Variants in MTDH observed in about 807,000 individuals in gnomAD.
The protein encoded by MTDH is metadherin.
Under a neutral mutation model 72.7 loss-of-function variants are expected in MTDH, and 34 were observed. The ratio of observed to expected loss-of-function variants is 0.47; its 90% confidence interval spans 0.36 to 0.62. MTDH has a LOEUF of 0.62. MTDH is among the 20% of genes least tolerant of loss of function. MTDH has a pLI of 0.00. For synonymous variants in MTDH, 266 were observed against 268.9 expected (o/e 0.99, Z 0.10); for missense variants, 677 against 699.4 (o/e 0.97, Z 0.36).
Position 97,726,568 on chromosome 8 carries a change from T to C in MTDH, c.*1898T>C, listed in dbSNP as rs1367280214. The C allele has an allele frequency of 6.6e-6, 1 of 152,228 alleles. No individual in the cohort carries two copies. Among genetic ancestry groups the C allele is most frequent in the Non-Finnish European group, 1.5e-5 (1 of 68,050 alleles). The allele number at this position is 152,228 out of a possible 1,614,324, so 9.4% of individuals were successfully genotyped here. ...CCTCACCATTTCTTTATCTCAAAAT[T>C]CTGTTGGCTTTGTCAAACGTTGGAT... On this transcript the variant is annotated 3_prime_UTR_variant, in exon 12 of 12. Coordinates refer to ENST00000336273, the MANE Select transcript of MTDH (RefSeq NM_178812.4).
In MTDH at chr8:97,657,390, A is replaced by C. The variant is rs539705501; in HGVS notation, c.382-3682A>C. 5.3e-5 allele frequency among the ~76,000 whole-genome samples: 8 copies of C among 152,346 alleles called. No individual in the cohort carries two copies. The South Asian group carries it at 1.4e-3, about 28-fold the overall frequency. On this transcript the variant is annotated intron_variant, in intron 1 of 11. Transcript: ENST00000336273. ...GGTGGGGAAGACCTTAAAGTTCTTG[A>C]GAGAATTTTAAACTGGGGTACAATG...
chr8:97,698,689 A>G (rs1317427226), intron 6 of MTDH, among the ~76,000 whole-genome samples: 1 of 152,234 alleles, frequency 6.6e-6, no homozygotes, highest in Non-Finnish European at 1.5e-5. Flanking sequence ...TTTCTTAGCC[A>G]AAAGATGCTA....
chr8:97,661,934 A>AG (rs1554574614), intron 2 of MTDH, among the ~76,000 whole-genome samples: 1 of 151,236 alleles, frequency 6.6e-6, no homozygotes, highest in Non-Finnish European at 1.5e-5. Context: ...AAAAAAAAAA[A>AG]GAAAAAAGAT....
intron 2 of MTDH, among the ~76,000 whole-genome samples, chr8:97,664,843 C>T (rs956056880): frequency 3.9e-5 from 6 of 152,004 alleles, no homozygotes; most frequent in Admixed American, 1.3e-4. Context: ...CTCACTGCAA[C>T]CTCCGCCTCC....
chr8:97,659,784 A>G (rs776687316), intron 1 of MTDH, among the ~76,000 whole-genome samples: 14 of 152,234 alleles, frequency 9.2e-5, no homozygotes, highest in Non-Finnish European at 1.3e-4. Context: ...GGATCCAGAA[A>G]GACGGTTAGA....
intron 2 of MTDH, among the ~76,000 whole-genome samples, chr8:97,682,245 T>C (rs868186514): frequency 8.2e-5 from 1 of 12,138 alleles, no homozygotes; most frequent in African/African-American, 4.4e-4. Context: ...TATATATATA[T>C]ATATATATAT....
chr8:97,648,640 T>C lies in MTDH; in HGVS notation c.381+3753T>C, dbSNP rs79681070. Reference sequence around the variant, plus strand: ...TCCCAAAATGTTGGGATTACAGGCATGAGCAACCTCACCCAGCTCAAAAAT... The same window carrying C: ...TCCCAAAATGTTGGGATTACAGGCACGAGCAACCTCACCCAGCTCAAAAAT... On this transcript the variant is annotated intron_variant, in intron 1 of 11. Coordinates refer to ENST00000336273, the MANE Select transcript of MTDH (RefSeq NM_178812.4). Among the ~76,000 whole-genome samples the C allele has an allele frequency of 1.5e-3, 221 of 152,298 alleles. 3 individuals are homozygous for C. The East Asian group carries it at 0.031, about 21-fold the overall frequency.
intron 2 of MTDH, among the ~76,000 whole-genome samples, chr8:97,663,748 CA>C (rs36101443): frequency 0.045 from 3,821 of 85,850 alleles, 71 homozygotes; most frequent in African/African-American, 0.13. Flanking sequence ...GACTCTGTCT[CA>C]AAAAAAAAAA....
At chr8:97,670,675 A>G (rs1015745022) in intron 2 of MTDH, among the ~76,000 whole-genome samples, 1 of 152,210 alleles carries the variant, frequency 6.6e-6, no homozygotes, top group Non-Finnish European at 1.5e-5. Flanking sequence ...ATTTATAAAG[A>G]AAAGAGGGTT....
intron 2 of MTDH, among the ~76,000 whole-genome samples, chr8:97,666,606 C>T (rs1812398307): frequency 6.6e-6 from 1 of 152,196 alleles, no homozygotes; most frequent in African/African-American, 2.4e-5. Context: ...TATGTTGATG[C>T]TTGCACTGAT....
intron 7 of MTDH, among the ~76,000 whole-genome samples, chr8:97,705,578 C>T (rs925667838): frequency 6.6e-6 from 1 of 152,134 alleles, no homozygotes; most frequent in South Asian, 2.1e-4. Flanking sequence ...CCAGCTTGGG[C>T]GACAGAGCAA....
At position 97,705,745 on chromosome 8, in the gene MTDH, A is replaced by G. The variant is rs551969729; in HGVS notation, c.1148-881A>G. Among the ~76,000 whole-genome samples, 5 of 152,388 alleles carry G rather than the reference A, an allele frequency of 3.3e-5. No homozygotes were observed. In the East Asian group the frequency reaches 9.6e-4, roughly 29 times the overall value. ...AGCCTAACCTTTGTCATCTTAAACC[A>G]TTGTAAATGAAACCTGACTATAAGT... On this transcript the variant is annotated intron_variant, in intron 7 of 11. Transcript: ENST00000336273.
At position 97,724,868 on chromosome 8, in the gene MTDH, C is replaced by T; in HGVS notation, c.*198C>T. On this transcript the variant is annotated 3_prime_UTR_variant, in exon 12 of 12. Transcript: ENST00000336273. ...AATTAAGAGGTCAGCAGAATATACT[C>T]AGTGATGGAAGACACTTGGGAAAGT... 2.3e-6 allele frequency: 1 copy of T among 427,924 alleles called. No homozygotes were observed. Among genetic ancestry groups the T allele is most frequent in the South Asian group, 3.9e-5 (1 of 25,790 alleles). The allele number at this position is 427,924 out of a possible 1,614,324, so 26.5% of individuals were successfully genotyped here.
In MTDH at chr8:97,662,430, C is replaced by G. The variant is rs531789067; in HGVS notation, c.483+1257C>G. Among the ~76,000 whole-genome samples the G allele has an allele frequency of 2.6e-5, 4 of 151,818 alleles. No individual in the cohort carries two copies. In the East Asian group the frequency reaches 7.7e-4, roughly 29 times the overall value. On this transcript the variant is annotated intron_variant, in intron 2 of 11. Coordinates refer to ENST00000336273, the MANE Select transcript of MTDH (RefSeq NM_178812.4). ...AAAACAAAACAAGACAGTCACTGATCGGTAAGTGGTTTCTGGGAACCACAG... is the reference window on the plus strand; with the variant it reads ...AAAACAAAACAAGACAGTCACTGATGGGTAAGTGGTTTCTGGGAACCACAG...
At chr8:97,705,928 G>C (rs954786588) in intron 7 of MTDH, among the ~76,000 whole-genome samples, 8 of 152,126 alleles carry the variant, frequency 5.3e-5, no homozygotes, top group African/African-American at 1.9e-4. Flanking sequence ...AAAATTCAGT[G>C]CATCCTATAG....
At chr8:97,671,030 A>G (rs967784940) in intron 2 of MTDH, among the ~76,000 whole-genome samples, 6 of 142,886 alleles carry the variant, frequency 4.2e-5, no homozygotes, top group Non-Finnish European at 6.0e-5. Context: ...CAGTGGCGCA[A>G]TCTCGGCTCA....
At position 97,674,638 on chromosome 8, in the gene MTDH, G is replaced by T. The variant is rs1023917331; in HGVS notation, c.484-12030G>T. Reference sequence around the variant, plus strand: ...TCTAAAGCAATTTTAATTTTATCAAGTGCATTTTAAAAAACATTGTTAATA... The same window carrying T: ...TCTAAAGCAATTTTAATTTTATCAATTGCATTTTAAAAAACATTGTTAATA... On this transcript the variant is annotated intron_variant, in intron 2 of 11. Coordinates refer to ENST00000336273, the MANE Select transcript of MTDH (RefSeq NM_178812.4). Among the ~76,000 whole-genome samples the T allele has an allele frequency of 4.6e-5, 7 of 152,262 alleles. No individual in the cohort carries two copies. In the South Asian group the frequency reaches 1.4e-3, roughly 32 times the overall value.
chr8:97,707,113 G>A (rs1208983625), intron 8 of MTDH, among the ~76,000 whole-genome samples: 3 of 151,320 alleles, frequency 2.0e-5, no homozygotes, highest in African/African-American at 7.3e-5. Flanking sequence ...GTATTTTAAT[G>A]ATAGGGAGAT....
intron 8 of MTDH, among the ~76,000 whole-genome samples, chr8:97,713,184 A>C (rs1168403756): frequency 6.6e-6 from 1 of 152,080 alleles, no homozygotes; most frequent in African/African-American, 2.4e-5. Context: ...TCCTGGGTTC[A>C]CGCCATTCTC....
Sources: allele counts gnomAD v4.1 joint callset (sites outside exome capture counted in the v4.1 genomes callset), GRCh38; gene constraint gnomAD v4.1.1; transcripts MANE v1.5; gene names NCBI Gene and HGNC (gene_info 2026-07-23, HGNC 2026-07-21).